The following GRAP2 variants were observed in gnomAD, a reference collection of about 807,000 sequenced individuals.
The protein encoded by GRAP2 is GRB2-related adapter protein 2.
A neutral mutation model predicts 43.5 loss-of-function variants in GRAP2; 31 were observed. The observed-to-expected ratio is 0.71, with a 90% CI of 0.54 to 0.96. The LOEUF is 0.96. GRAP2 is among the 40% of genes least tolerant of loss of function. The pLI, the probability that GRAP2 is intolerant of heterozygous loss-of-function variation, is 0.00. For missense variants in GRAP2, 371 were observed against 424.4 expected (o/e 0.87, Z 1.11); for synonymous variants, 156 against 164.8 (o/e 0.95, Z 0.41).
chr22:39,896,452 G>A (rs576545213), upstream of GRAP2, among the ~76,000 whole-genome samples: 37 of 152,302 alleles, frequency 2.4e-4, no homozygotes, highest in African/African-American at 8.9e-4. Context: ...CATGATCCGA[G>A]GGGTCAGTTT....
chr22:39,947,204 A>G lies in GRAP2; in HGVS notation c.78+20A>G, dbSNP rs368133510. 60 of 1,198,562 alleles carry G rather than the reference A, an allele frequency of 5.0e-5. No homozygotes were observed. The highest frequency in any genetic ancestry group is 6.8e-5 in the Non-Finnish European group (54 of 799,980). 74.2% of individuals were successfully genotyped at this position (1,198,562 alleles called of 1,614,324 possible). On this transcript the variant is annotated intron_variant, in intron 2 of 7. Transcript: ENST00000344138. ...TTGAAGGTAGGTGACCTGGGGCCCC[A>G]GGGGAGCAGTAGGGAGTTTCAGTTA...
At chr22:39,894,081 C>T in the GRAP2 span, among the ~76,000 whole-genome samples, 1 of 145,118 alleles carries the variant, frequency 6.9e-6, no homozygotes, top group Non-Finnish European at 1.5e-5. Flanking sequence ...AACGTAAAAA[C>T]GGACATTAAA....
chr22:39,936,786 A>G (rs906425305), intron 1 of GRAP2, among the ~76,000 whole-genome samples: 3 of 152,170 alleles, frequency 2.0e-5, no homozygotes, highest in Non-Finnish European at 2.9e-5. Flanking sequence ...GATTGTTTCC[A>G]TTTCTGCAAT....
intron 6 of GRAP2, 93 bp from the exon 7 acceptor site, chr22:39,969,318 G>A (rs1238544697): frequency 1.0e-5 from 14 of 1,364,840 alleles, no homozygotes; most frequent in Admixed American, 3.4e-5. Flanking sequence ...GGAATATACC[G>A]GCTCTGTGGA....
intron 1 of GRAP2, among the ~76,000 whole-genome samples, chr22:39,902,131 AC>A (rs1481521401): frequency 6.6e-6 from 1 of 152,230 alleles, no homozygotes; most frequent in Non-Finnish European, 1.5e-5. Flanking sequence ...TATTGAACAT[AC>A]ACATCCCTAG....
chr22:39,924,057 A>T lies in GRAP2; in HGVS notation c.-15+22727A>T, dbSNP rs573438216. ...AAGTCACTCATGTTCTTCTCCAGCC[A>T]TGTGACGTTAAACCATCTCTACTTT... On this transcript the variant is annotated intron_variant, in intron 1 of 7. Transcript: ENST00000344138. Among the ~76,000 whole-genome samples, 54 of 152,338 alleles carry T rather than the reference A, an allele frequency of 3.5e-4. No individual in the cohort carries two copies. In the South Asian group the frequency reaches 0.011, roughly 30 times the overall value.
intron 1 of GRAP2, among the ~76,000 whole-genome samples, chr22:39,935,753 G>T (rs574443282): frequency 1.3e-5 from 2 of 152,148 alleles, no homozygotes; most frequent in Non-Finnish European, 2.9e-5. Context: ...GCTTGGGAGC[G>T]TAAGTAAAAG....
chr22:39,943,964 C>T (rs765202339), intron 1 of GRAP2, among the ~76,000 whole-genome samples: 38 of 152,050 alleles, frequency 2.5e-4, no homozygotes, highest in Non-Finnish European at 4.7e-4. Flanking sequence ...CATGATCCGC[C>T]CGCCTCCTGG....
intron 1 of GRAP2, among the ~76,000 whole-genome samples, chr22:39,922,903 A>G (rs2066665010): frequency 6.6e-6 from 1 of 152,158 alleles, no homozygotes; most frequent in Non-Finnish European, 1.5e-5. Context: ...TTAGCTGGGC[A>G]TGGCGGCATG....
chr22:39,920,943 GACACACACACAC>G (rs137974), intron 1 of GRAP2, among the ~76,000 whole-genome samples: 26,650 of 142,532 alleles, frequency 0.19, 2,800 homozygotes, highest in African/African-American at 0.3. Context: ...TCTCTACACA[GACACACACACAC>G]ACACACACAC....
At chr22:39,919,416 G>C (rs1477924300) in intron 1 of GRAP2, among the ~76,000 whole-genome samples, 1 of 151,930 alleles carries the variant, frequency 6.6e-6, no homozygotes, top group African/African-American at 2.4e-5. Flanking sequence ...GCAGTTTTAA[G>C]GTTTCTAATT....
chr22:39,906,989 C>T (rs1466934593), intron 1 of GRAP2, among the ~76,000 whole-genome samples: 2 of 152,140 alleles, frequency 1.3e-5, no homozygotes, highest in Non-Finnish European at 2.9e-5. Flanking sequence ...CACAGTTTAA[C>T]CCTTTATAAA....
rs145630024 is a variant in GRAP2 at position 39,914,687 on chromosome 22, A to G, written c.-15+13357A>G. ...GATTTATTCCAACTAGATTGCAACCAGAAAATGGTGTCCTGGTTGTTTTTG... is the reference window on the plus strand; with the variant it reads ...GATTTATTCCAACTAGATTGCAACCGGAAAATGGTGTCCTGGTTGTTTTTG... On this transcript the variant is annotated intron_variant, in intron 1 of 7. Transcript: ENST00000344138. 2.5e-3 allele frequency among the ~76,000 whole-genome samples: 383 copies of G among 152,312 alleles called. 1 individual carries two copies. Among genetic ancestry groups the G allele is most frequent in the African/African-American group, 8.6e-3 (358 of 41,568 alleles).
intron 1 of GRAP2, among the ~76,000 whole-genome samples, chr22:39,936,420 T>C (rs2145615771): frequency 6.6e-6 from 1 of 152,344 alleles, no homozygotes; most frequent in East Asian, 1.9e-4. Flanking sequence ...CGAAGTAGCA[T>C]TTCCAGCGAG....
Position 39,907,520 on chromosome 22 carries a change from T to C in GRAP2, c.-15+6190T>C, listed in dbSNP as rs1224406678. Among the ~76,000 whole-genome samples the C allele has an allele frequency of 2.0e-5, 3 of 152,174 alleles. No homozygotes were observed. In the East Asian group the frequency reaches 5.8e-4, roughly 29 times the overall value. ...GGGAGGACAAGGTGGGAGGATTGCTTGAGCGCAGGAGATTGAGACCAGCCT... is the reference window on the plus strand; with the variant it reads ...GGGAGGACAAGGTGGGAGGATTGCTCGAGCGCAGGAGATTGAGACCAGCCT... On this transcript the variant is annotated intron_variant, in intron 1 of 7. Coordinates refer to ENST00000344138, the MANE Select transcript of GRAP2 (RefSeq NM_004810.4).
chr22:39,902,423 A>G (rs1477814992), intron 1 of GRAP2, among the ~76,000 whole-genome samples: 1 of 152,244 alleles, frequency 6.6e-6, no homozygotes, highest in African/African-American at 2.4e-5. Context: ...TTACAAAACC[A>G]TCTGCTATTA....
At position 39,971,235 on chromosome 22, in the gene GRAP2, A is replaced by G. The variant is rs577403031; in HGVS notation, c.*151A>G. On this transcript the variant is annotated 3_prime_UTR_variant, in exon 8 of 8. Transcript: ENST00000344138. ...TTTTTATACTAGTAATTTATTGGCA[A>G]TTGGGCTGGTAATTAGTTGATGCAA... 9.6e-5 allele frequency: 56 copies of G among 586,354 alleles called. No homozygotes were observed. In the East Asian group the frequency reaches 1.4e-3, roughly 15 times the overall value. The allele number at this position is 586,354 out of a possible 1,614,324, so 36.3% of individuals were successfully genotyped here.
intron 1 of GRAP2, among the ~76,000 whole-genome samples, chr22:39,909,692 A>G (rs1376735484): frequency 2.6e-5 from 4 of 152,142 alleles, no homozygotes; most frequent in Non-Finnish European, 4.4e-5. Flanking sequence ...ACTAGGAAAA[A>G]CAAACAAACA....
intron 3 of GRAP2, among the ~76,000 whole-genome samples, chr22:39,956,472 G>T (rs1227443174): frequency 1.4e-5 from 2 of 145,728 alleles, no homozygotes; most frequent in African/African-American, 5.1e-5. Flanking sequence ...TAAGTTTTGG[G>T]TTTTTTTGGG....
Sources: gnomAD v4.1 joint callset for allele counts (sites outside exome capture counted in the v4.1 genomes callset) on GRCh38, gnomAD v4.1.1 for gene constraint, MANE v1.5 for transcripts, NCBI Gene and HGNC (gene_info 2026-07-23, HGNC 2026-07-21) for gene names.